LDB2: variants seen among roughly 807,000 people sequenced by gnomAD.
LDB2 encodes LIM domain binding 2, also known as LIM domain-binding protein 2.
Under a neutral mutation model 44.3 loss-of-function variants are expected in LDB2, and 12 were observed. The observed-to-expected ratio is 0.27, with a 90% confidence interval of 0.17 to 0.44. The LOEUF (loss-of-function observed/expected upper bound fraction) is 0.44. Among genes scored for constraint, LDB2 ranks in the 20% least tolerant of loss-of-function variants. The probability of loss-of-function intolerance (pLI) is 1.00; values close to 1 mark genes in which losing one functional copy is unlikely to be tolerated. For missense variants in LDB2, 344 were observed against 473.5 expected (o/e 0.73, Z 2.54); for synonymous variants, 164 against 174.8 (o/e 0.94, Z 0.49).
intron 2 of LDB2, among the ~76,000 whole-genome samples, chr4:16,613,867 C>G (rs534377478): frequency 6.6e-5 from 10 of 152,222 alleles, no homozygotes; most frequent in African/African-American, 2.4e-4. Flanking sequence ...AGATTCAATG[C>G]TATTCCCATC....
intron 5 of LDB2, among the ~76,000 whole-genome samples, chr4:16,527,980 T>A (rs1299179272): frequency 6.9e-6 from 1 of 144,218 alleles, no homozygotes; most frequent in African/African-American, 2.6e-5. Flanking sequence ...AAAGAAACTG[T>A]GGTGTATATA....
At chr4:16,509,913 C>T (rs940315149) in intron 6 of LDB2, among the ~76,000 whole-genome samples, 7 of 152,052 alleles carry the variant, frequency 4.6e-5, no homozygotes, top group Admixed American at 2.6e-4. Context: ...CCCAGGAATT[C>T]GAGACCAACT....
intron 7 of LDB2, among the ~76,000 whole-genome samples, chr4:16,507,583 G>C (rs1180551469): frequency 6.6e-6 from 1 of 152,110 alleles, no homozygotes; most frequent in East Asian, 1.9e-4. Flanking sequence ...TACTGGTTGA[G>C]GGATGTAACA....
intron 5 of LDB2, 77 bp downstream of exon 5, chr4:16,585,845 C>A: frequency 9.4e-7 from 1 of 1,067,734 alleles, no homozygotes; most frequent in Non-Finnish European, 1.4e-6. Context: ...ATTTTAACTT[C>A]TTGGTTCAGG....
intron 1 of LDB2, among the ~76,000 whole-genome samples, chr4:16,793,462 C>CA (rs1308041257): frequency 2.0e-5 from 3 of 152,162 alleles, no homozygotes; most frequent in African/African-American, 7.2e-5. Context: ...CCCAAACCGT[C>CA]AAACCATCAG....
intron 5 of LDB2, among the ~76,000 whole-genome samples, chr4:16,583,859 A>G (rs1394284821): frequency 6.6e-6 from 1 of 152,114 alleles, no homozygotes; most frequent in African/African-American, 2.4e-5. Context: ...CTATTTCAGC[A>G]CGCTTCGCTG....
At chr4:16,803,672 G>A (rs1778252815) in intron 1 of LDB2, among the ~76,000 whole-genome samples, 2 of 152,200 alleles carry the variant, frequency 1.3e-5, no homozygotes, top group Middle Eastern at 3.4e-3. Context: ...AATTGGGCTA[G>A]TGGAAAAAAA....
intron 1 of LDB2, among the ~76,000 whole-genome samples, chr4:16,780,769 G>A (rs377439300): frequency 4.7e-5 from 7 of 149,566 alleles, no homozygotes; most frequent in Admixed American, 2.0e-4. Context: ...CACATTCCAC[G>A]TGTCTCAAAT....
At chr4:16,586,856 G>T (rs1717157668) in intron 4 of LDB2, among the ~76,000 whole-genome samples, 1 of 152,132 alleles carries the variant, frequency 6.6e-6, no homozygotes, top group Non-Finnish European at 1.5e-5. Context: ...TAAACAGAGG[G>T]AGATGGATGT....
intron 5 of LDB2, among the ~76,000 whole-genome samples, chr4:16,516,658 T>C (rs1326282782): frequency 2.0e-5 from 3 of 152,216 alleles, no homozygotes; most frequent in Non-Finnish European, 4.4e-5. Flanking sequence ...ATGGGAGAGT[T>C]ACACTTATTG....
intron 1 of LDB2, among the ~76,000 whole-genome samples, chr4:16,892,053 G>A (rs899872296): frequency 6.6e-6 from 1 of 152,082 alleles, no homozygotes; most frequent in Admixed American, 6.5e-5. Context: ...TACTTGAGCC[G>A]ACATACAAAA....
chr4:16,646,017 A>G (rs192098648), intron 2 of LDB2, among the ~76,000 whole-genome samples: 20 of 152,354 alleles, frequency 1.3e-4, no homozygotes, highest in African/African-American at 3.1e-4. Context: ...GATTCTTTAG[A>G]TAGAATGAGA....
At chr4:16,695,467 AAAAAAGAAGAAG>A (rs1308230950) in intron 2 of LDB2, among the ~76,000 whole-genome samples, 39 of 152,124 alleles carry the variant, frequency 2.6e-4, no homozygotes, top group African/African-American at 9.2e-4. Context: ...GTCAAAAAAA[AAAAAAGAAGAAG>A]AAAAAGAAAG....
intron 5 of LDB2, among the ~76,000 whole-genome samples, chr4:16,513,953 C>G (rs1372230758): frequency 6.6e-6 from 1 of 152,184 alleles, no homozygotes; most frequent in Non-Finnish European, 1.5e-5. Context: ...TAAAGAAATT[C>G]TGTGACCTGC....
intron 5 of LDB2, among the ~76,000 whole-genome samples, chr4:16,579,070 G>T (rs968818989): frequency 3.9e-5 from 6 of 152,080 alleles, no homozygotes; most frequent in African/African-American, 1.4e-4. Context: ...AAAGGAGGAT[G>T]GTTAATTGGT....
intron 1 of LDB2, among the ~76,000 whole-genome samples, chr4:16,782,158 C>T (rs935820507): frequency 1.3e-5 from 2 of 152,142 alleles, no homozygotes; most frequent in Admixed American, 6.5e-5. Flanking sequence ...CCATGTCAAG[C>T]GCTGGCTAAG....
chr4:16,622,351 T>A (rs1281246781), intron 2 of LDB2, among the ~76,000 whole-genome samples: 1 of 152,198 alleles, frequency 6.6e-6, no homozygotes, highest in Non-Finnish European at 1.5e-5. Flanking sequence ...TTGAATGACA[T>A]AAATGAACCA....
intron 2 of LDB2, among the ~76,000 whole-genome samples, chr4:16,603,113 G>A (rs1722995462): frequency 6.6e-6 from 1 of 152,070 alleles, no homozygotes; most frequent in Non-Finnish European, 1.5e-5. Context: ...TGTCTTTCAT[G>A]GTGACAAAAC....
At chr4:16,871,837 G>T (rs1310845901) in intron 1 of LDB2, among the ~76,000 whole-genome samples, 2 of 152,006 alleles carry the variant, frequency 1.3e-5, no homozygotes, top group Admixed American at 6.6e-5. Flanking sequence ...GGCTAGGCTG[G>T]TCTTGAATTC....
Sources: gnomAD v4.1 joint callset for allele counts (sites outside exome capture counted in the v4.1 genomes callset) on GRCh38, gnomAD v4.1.1 for gene constraint, MANE v1.5 for transcripts, NCBI Gene and HGNC (gene_info 2026-07-23, HGNC 2026-07-21) for gene names.